RBM20: variants seen among roughly 807,000 people sequenced by gnomAD.
RBM20 encodes RNA-binding protein 20.
A neutral mutation model predicts 110.1 loss-of-function variants in RBM20; 51 were observed. The observed-to-expected ratio is 0.46, with a 90% CI of 0.37 to 0.59. The LOEUF (loss-of-function observed/expected upper bound fraction) is 0.59, where lower values mean the gene tolerates loss of function less well. Among genes scored for constraint, RBM20 ranks in the 20% least tolerant of loss-of-function variants. The pLI, the probability that RBM20 is intolerant of heterozygous loss-of-function variation, is 0.00. For synonymous variants in RBM20, 589 were observed against 618.2 expected, an observed-to-expected ratio of 0.95 and a Z score of 0.70; for missense variants, 1,512 against 1,574.9, an observed-to-expected ratio of 0.96 and a Z score of 0.68.
chr10:110,757,931 CA>C (rs201124267), intron 1 of RBM20, among the ~76,000 whole-genome samples: 4,813 of 147,698 alleles, frequency 0.033, 273 homozygotes, highest in African/African-American at 0.11. Context: ...GTTGTTTATT[CA>C]AAATATTGAG....
chr10:110,796,382 TACA>T (rs896500786), intron 5 of RBM20, among the ~76,000 whole-genome samples: 1 of 152,248 alleles, frequency 6.6e-6, no homozygotes, highest in Non-Finnish European at 1.5e-5. Flanking sequence ...ATCAAAATTT[TACA>T]ACACTTGCTT....
chr10:110,706,995 G>A (rs1862850680), intron 1 of RBM20, among the ~76,000 whole-genome samples: 3 of 152,184 alleles, frequency 2.0e-5, no homozygotes, highest in South Asian at 4.1e-4. Context: ...AAATGACCCA[G>A]GGAGGCTCTA....
chr10:110,800,622 A>G (rs1844610031), intron 7 of RBM20, among the ~76,000 whole-genome samples: 3 of 152,244 alleles, frequency 2.0e-5, no homozygotes, highest in South Asian at 2.1e-4. Context: ...GACAGCATCC[A>G]GAAGCTCCCG....
intron 1 of RBM20, among the ~76,000 whole-genome samples, chr10:110,691,236 G>C (rs1441940373): frequency 6.6e-6 from 1 of 152,226 alleles, no homozygotes; most frequent in Non-Finnish European, 1.5e-5. Context: ...CCAGCCTTCA[G>C]AACTGTAAGA....
chr10:110,833,879 G>T (rs192560359), intron 13 of RBM20, among the ~76,000 whole-genome samples: 11 of 152,306 alleles, frequency 7.2e-5, no homozygotes, highest in African/African-American at 2.2e-4. Context: ...TTCTGTCAGC[G>T]GCTTTGACAG....
At chr10:110,748,086 A>G (rs1053912136) in intron 1 of RBM20, among the ~76,000 whole-genome samples, 1 of 152,188 alleles carries the variant, frequency 6.6e-6, no homozygotes, top group African/African-American at 2.4e-5. Context: ...TGAAACTTTT[A>G]TGAGTAAGTG....
chr10:110,734,397 A>T (rs1176610579), intron 1 of RBM20, among the ~76,000 whole-genome samples: 2 of 152,210 alleles, frequency 1.3e-5, no homozygotes, highest in Admixed American at 1.3e-4. Context: ...ACTCATACAC[A>T]TTTGTAACTT....
intron 5 of RBM20, among the ~76,000 whole-genome samples, chr10:110,795,111 C>G (rs138769149): frequency 1.3e-5 from 2 of 152,342 alleles, no homozygotes; most frequent in East Asian, 1.9e-4. Context: ...CGCTAAGAGA[C>G]CAGGCAGAGC....
Position 110,658,310 on chromosome 10 carries a change from T to C in RBM20, c.191+13665T>C, listed in dbSNP as rs533501106. Reference sequence around the variant, plus strand: ...GTAATTTGACGTCTCCTAGCCATGATGCAACAGTGCTGGGGGGTGAGTGAA... The same window carrying C: ...GTAATTTGACGTCTCCTAGCCATGACGCAACAGTGCTGGGGGGTGAGTGAA... On this transcript the variant is annotated intron_variant, in intron 1 of 13. Coordinates refer to ENST00000369519, the MANE Select transcript of RBM20 (RefSeq NM_001134363.3). Among the ~76,000 whole-genome samples, 67 of 152,358 alleles carry C rather than the reference T, an allele frequency of 4.4e-4. 1 individual carries two copies. In the South Asian group the frequency reaches 9.9e-3, roughly 23 times the overall value.
In RBM20 at chr10:110,786,352, C is replaced by T. The variant is rs115989864; in HGVS notation, c.1527+1463C>T. 3.5e-3 allele frequency among the ~76,000 whole-genome samples: 528 copies of T among 152,340 alleles called. 3 individuals are homozygous for T. The highest frequency in any genetic ancestry group is 0.012 in the African/African-American group (496 of 41,572). On this transcript the variant is annotated intron_variant, in intron 5 of 13. Transcript: ENST00000369519. ...ATGTCTCCACGTGCTGTCCCCTCTA[C>T]GTGTTGGCATTGCAAAGCATCAGGC...
chr10:110,804,905 C>A (rs144577966), intron 7 of RBM20, among the ~76,000 whole-genome samples: 12 of 152,228 alleles, frequency 7.9e-5, no homozygotes, highest in Admixed American at 2.0e-4. Flanking sequence ...CAATAGGCTT[C>A]GGGTGGGAAT....
intron 12 of RBM20, among the ~76,000 whole-genome samples, chr10:110,826,871 G>T (rs1235586095): frequency 2.6e-5 from 4 of 152,120 alleles, no homozygotes; most frequent in African/African-American, 9.7e-5. Context: ...AGGATTACAG[G>T]TGTGAGCCAC....
chr10:110,783,332 C>T, intron 2 of RBM20, 34 bp from the exon 3 acceptor site: 3 of 1,521,140 alleles, frequency 2.0e-6, no homozygotes, highest in South Asian at 2.4e-5. Flanking sequence ...GGACTCAGTT[C>T]TACTTTGGTC....
intron 1 of RBM20, among the ~76,000 whole-genome samples, chr10:110,682,999 A>G (rs1377702114): frequency 1.3e-5 from 2 of 152,128 alleles, no homozygotes; most frequent in Non-Finnish European, 2.9e-5. Flanking sequence ...TTATGTCAGT[A>G]TGGAGTCAGA....
At chr10:110,710,000 C>T (rs1862900994) in intron 1 of RBM20, among the ~76,000 whole-genome samples, 1 of 152,210 alleles carries the variant, frequency 6.6e-6, no homozygotes, top group Non-Finnish European at 1.5e-5. Flanking sequence ...TGCCCTCCTA[C>T]ACGTCCTCCA....
intron 1 of RBM20, among the ~76,000 whole-genome samples, chr10:110,659,717 TTTC>T (rs1236643591): frequency 2.6e-5 from 4 of 152,138 alleles, no homozygotes; most frequent in East Asian, 3.8e-4. Context: ...TGTTCTTTTT[TTTC>T]TTTTCTTTTC....
At chr10:110,678,466 C>T (rs1285288567) in intron 1 of RBM20, among the ~76,000 whole-genome samples, 1 of 152,180 alleles carries the variant, frequency 6.6e-6, no homozygotes, top group Non-Finnish European at 1.5e-5. Flanking sequence ...GAAAGGATCT[C>T]CTGAGTTAAG....
chr10:110,695,789 G>GAGGT (rs1454104761), intron 1 of RBM20, among the ~76,000 whole-genome samples: 1 of 152,212 alleles, frequency 6.6e-6, no homozygotes, highest in Non-Finnish European at 1.5e-5. Context: ...CAGGCACTGA[G>GAGGT]AGGTAGCAAT....
chr10:110,776,961 T>C (rs4918589), intron 1 of RBM20, among the ~76,000 whole-genome samples: 45,528 of 152,054 alleles, frequency 0.3, 7,021 homozygotes, highest in East Asian at 0.45. Context: ...TGTATTTAGA[T>C]TGTCCTTTTT....
Sources: gnomAD v4.1 joint callset for allele counts (sites outside exome capture counted in the v4.1 genomes callset) on GRCh38, gnomAD v4.1.1 for gene constraint, MANE v1.5 for transcripts, NCBI Gene and HGNC (gene_info 2026-07-23, HGNC 2026-07-21) for gene names.